The following LRRC1 variants were observed in gnomAD, a reference collection of about 807,000 sequenced individuals.
LRRC1 encodes the protein leucine-rich repeat-containing protein 1.
LRRC1 carries 28 observed loss-of-function variants against 69.9 expected under a neutral mutation model. The ratio of observed to expected loss-of-function variants is 0.40; its 90% CI spans 0.30 to 0.55. The LOEUF is 0.55. LRRC1 is among the 20% of genes least tolerant of loss of function. LRRC1 has a pLI of 0.47. For missense variants in LRRC1, 498 were observed against 609.0 expected, an observed-to-expected ratio of 0.82 and a Z score of 1.92; for synonymous variants, 236 against 240.2, an observed-to-expected ratio of 0.98 and a Z score of 0.16.
chr6:53,854,540 T>A (rs901075262), intron 2 of LRRC1, among the ~76,000 whole-genome samples: 1 of 152,208 alleles, frequency 6.6e-6, no homozygotes, highest in African/African-American at 2.4e-5. Context: ...ATCTTCAAAC[T>A]GTCTCCGAGA....
chr6:53,857,515 T>C (rs1022036631), intron 2 of LRRC1, among the ~76,000 whole-genome samples: 2 of 152,136 alleles, frequency 1.3e-5, no homozygotes, highest in Admixed American at 6.5e-5. Context: ...GAAGCACCAT[T>C]GTTAAAGGAC....
chr6:53,883,008 G>A (rs1251324237), intron 4 of LRRC1, 32 bp downstream of exon 4: 10 of 1,330,216 alleles, frequency 7.5e-6, no homozygotes. Context: ...GGGTGGATCA[G>A]GGTGAAAGGG....
intron 4 of LRRC1, among the ~76,000 whole-genome samples, chr6:53,894,935 C>CTTT: frequency 7.1e-6 from 1 of 141,490 alleles, no homozygotes; most frequent in Non-Finnish European, 1.6e-5. Flanking sequence ...GTTTTTTTTT[C>CTTT]TTTTTTTTTT....
chr6:53,887,062 G>A (rs1363503812), intron 4 of LRRC1, among the ~76,000 whole-genome samples: 1 of 151,974 alleles, frequency 6.6e-6, no homozygotes, highest in Non-Finnish European at 1.5e-5. Context: ...CACATCATAG[G>A]CAGTCAAGCT....
At chr6:53,913,327 T>C (rs898638229) in intron 10 of LRRC1, among the ~76,000 whole-genome samples, 1 of 151,940 alleles carries the variant, frequency 6.6e-6, no homozygotes, top group Non-Finnish European at 1.5e-5. Context: ...ATTAATGTAC[T>C]GTATCATCTG....
At chr6:53,884,525 C>CA (rs1385567278) in intron 4 of LRRC1, among the ~76,000 whole-genome samples, 1 of 151,892 alleles carries the variant, frequency 6.6e-6, no homozygotes, top group East Asian at 1.9e-4. Flanking sequence ...CCCCCCTACA[C>CA]AAAAAAATCT....
intron 1 of LRRC1, among the ~76,000 whole-genome samples, chr6:53,796,717 A>G (rs1361600638): frequency 6.6e-6 from 1 of 152,190 alleles, no homozygotes; most frequent in African/African-American, 2.4e-5. Flanking sequence ...CATGGAGATT[A>G]TCCTCACTAG....
intron 2 of LRRC1, among the ~76,000 whole-genome samples, chr6:53,857,147 A>G (rs1043737040): frequency 2.6e-5 from 4 of 152,196 alleles, no homozygotes; most frequent in Admixed American, 6.5e-5. Flanking sequence ...TAGGAGATAC[A>G]GGTTTGAGAG....
At chr6:53,870,730 G>T (rs1380381841) in intron 2 of LRRC1, among the ~76,000 whole-genome samples, 2 of 152,080 alleles carry the variant, frequency 1.3e-5, no homozygotes, top group East Asian at 3.9e-4. Flanking sequence ...TGGAACACTA[G>T]AACTTATTCC....
chr6:53,922,594 T>C (rs1471535297), intron 13 of LRRC1, 41 bp from the exon 14 acceptor site: 1 of 1,552,432 alleles, frequency 6.4e-7, no homozygotes, highest in Non-Finnish European at 8.8e-7. Context: ...AAAAAAGTAG[T>C]GGAATAAAAC....
intron 2 of LRRC1, among the ~76,000 whole-genome samples, chr6:53,849,412 T>C (rs563896432): frequency 6.6e-6 from 1 of 152,348 alleles, no homozygotes; most frequent in East Asian, 1.9e-4. Flanking sequence ...ACTTTTTAAT[T>C]AGGCCGTTTC....
At position 53,915,813 on chromosome 6, in the gene LRRC1, C is replaced by T. The variant is rs141452963; in HGVS notation, c.1106+1844C>T. Among the ~76,000 whole-genome samples the T allele has an allele frequency of 3.9e-5, 6 of 152,254 alleles. No homozygotes were observed. In the East Asian group the frequency reaches 1.2e-3, roughly 29 times the overall value. ...ATAGATTCATAACCAAATGTTAAGCCTATTAAAATATTTAATCACTACTTA... is the reference window on the plus strand; with the variant it reads ...ATAGATTCATAACCAAATGTTAAGCTTATTAAAATATTTAATCACTACTTA... On this transcript the variant is annotated intron_variant, in intron 11 of 13. Coordinates refer to ENST00000370888, the MANE Select transcript of LRRC1 (RefSeq NM_018214.5).
intron 2 of LRRC1, among the ~76,000 whole-genome samples, chr6:53,869,042 G>A (rs895315807): frequency 1.3e-5 from 2 of 152,336 alleles, no homozygotes; most frequent in Non-Finnish European, 1.5e-5. Flanking sequence ...TTGAGGCACA[G>A]ATAAGTAGTT....
At chr6:53,883,798 G>A (rs151088252) in intron 4 of LRRC1, among the ~76,000 whole-genome samples, 106 of 152,240 alleles carry the variant, frequency 7.0e-4, no homozygotes, top group Middle Eastern at 3.4e-3. Context: ...CCTGTCCTGC[G>A]TAAGTTCTAA....
intron 3 of LRRC1, among the ~76,000 whole-genome samples, chr6:53,879,343 T>A (rs1581894765): frequency 6.6e-6 from 1 of 152,172 alleles, no homozygotes. Context: ...CATTTCTGAA[T>A]CAATGTGAAG....
At chr6:53,797,325 C>G (rs1764331114) in intron 1 of LRRC1, among the ~76,000 whole-genome samples, 1 of 152,146 alleles carries the variant, frequency 6.6e-6, no homozygotes, top group Admixed American at 6.5e-5. Context: ...GCTCTAACAG[C>G]TGTTAAATTA....
In LRRC1 at chr6:53,830,350, A is replaced by G. The variant is rs529946522; in HGVS notation, c.160-11760A>G. ...ACATCTAATCAGATGTAACTTCAGG[A>G]CATAGGAGTTGAGTAGACTTTGTTG... On this transcript the variant is annotated intron_variant, in intron 1 of 13. Transcript: ENST00000370888. Among the ~76,000 whole-genome samples the G allele has an allele frequency of 3.7e-4, 57 of 152,364 alleles. 1 individual carries two copies. In the South Asian group the frequency reaches 0.011, roughly 30 times the overall value.
chr6:53,902,248 T>C (rs1768082590), intron 8 of LRRC1, among the ~76,000 whole-genome samples: 1 of 152,236 alleles, frequency 6.6e-6, no homozygotes, highest in Non-Finnish European at 1.5e-5. Context: ...CATAGGTGAT[T>C]TAATAAACTA....
At chr6:53,868,017 C>T (rs1211062029) in intron 2 of LRRC1, among the ~76,000 whole-genome samples, 1 of 151,492 alleles carries the variant, frequency 6.6e-6, no homozygotes, top group Non-Finnish European at 1.5e-5. Flanking sequence ...AGTGTTGGTA[C>T]GTAGTAATTT....
Sources: gnomAD v4.1 joint callset for allele counts (sites outside exome capture counted in the v4.1 genomes callset) on GRCh38, gnomAD v4.1.1 for gene constraint, MANE v1.5 for transcripts, NCBI Gene and HGNC (gene_info 2026-07-23, HGNC 2026-07-21) for gene names.